CMTR1: variants seen among roughly 807,000 people sequenced by gnomAD.
CMTR1 encodes cap methyltransferase 1, also known as cap-specific mRNA (nucleoside-2'-O-)-methyltransferase 1.
Under a neutral mutation model 107.0 loss-of-function variants are expected in CMTR1, and 39 were observed. The ratio of observed to expected loss-of-function variants is 0.36; its 90% CI spans 0.28 to 0.48. The LOEUF (loss-of-function observed/expected upper bound fraction) is 0.48, where lower values mean the gene tolerates loss of function less well. Among genes scored for constraint, CMTR1 ranks in the 20% least tolerant of loss-of-function variants. The probability of loss-of-function intolerance (pLI) is 0.99; values close to 1 mark genes in which losing one functional copy is unlikely to be tolerated. For synonymous variants in CMTR1, 366 were observed against 379.5 expected (o/e 0.96, Z 0.41); for missense variants, 672 against 1,064.9 (o/e 0.63, Z 5.14).
At chr6:37,443,130 A>T (rs1185339511) in intron 2 of CMTR1, among the ~76,000 whole-genome samples, 1 of 152,238 alleles carries the variant, frequency 6.6e-6, no homozygotes, top group Non-Finnish European at 1.5e-5. Flanking sequence ...TCCAAATGCT[A>T]ACCCCTGAAT....
At chr6:37,462,354 A>G (rs1055299159) in intron 12 of CMTR1, among the ~76,000 whole-genome samples, 13 of 152,158 alleles carry the variant, frequency 8.5e-5, no homozygotes, top group Admixed American at 8.5e-4. Context: ...CCAAGGAGAA[A>G]GTGACCAATA....
chr6:37,443,358 C>CTT (rs67268523), intron 2 of CMTR1, among the ~76,000 whole-genome samples: 12 of 145,110 alleles, frequency 8.3e-5, no homozygotes, highest in African/African-American at 2.3e-4. Flanking sequence ...AATGTACTTT[C>CTT]TTTTTTTTTT....
chr6:37,433,141 TGCCTTTCCCGGGGCCGGGA>T (rs1467712607), upstream of CMTR1: 1 of 152,540 alleles, frequency 6.6e-6, no homozygotes. Flanking sequence ...AAACCTCAGC[TGCCTTTCCCGGGGCCGGGA>T]CCCGGCCGGG....
At chr6:37,435,503 A>G in intron 1 of CMTR1, 121 bp from the exon 2 acceptor site, 2 of 1,033,136 alleles carry the variant, frequency 1.9e-6, no homozygotes, top group Non-Finnish European at 1.4e-6. Context: ...AAGTGCTGGC[A>G]CTGGAAGATG....
chr6:37,425,884 T>A, the CMTR1 span, among the ~76,000 whole-genome samples: 1 of 152,244 alleles, frequency 6.6e-6, no homozygotes, highest in Non-Finnish European at 1.5e-5. Flanking sequence ...TCAAATATTC[T>A]CTCTGCCCCT....
At chr6:37,428,069 T>TA in the CMTR1 span, among the ~76,000 whole-genome samples, 1 of 130,032 alleles carries the variant, frequency 7.7e-6, no homozygotes, top group African/African-American at 2.8e-5. Flanking sequence ...AGAAACTCTC[T>TA]AAAAAAGACG....
chr6:37,431,533 G>A (rs1274034197), upstream of CMTR1, among the ~76,000 whole-genome samples: 1 of 151,814 alleles, frequency 6.6e-6, no homozygotes, highest in Non-Finnish European at 1.5e-5. Flanking sequence ...ATTTAATACA[G>A]ACAGACAATC....
intron 18 of CMTR1, 150 bp downstream of exon 18, chr6:37,474,796 C>G (rs1235728570): frequency 2.5e-6 from 3 of 1,218,794 alleles, no homozygotes; most frequent in Non-Finnish European, 3.4e-6. Context: ...TGACTCCTCC[C>G]CGAGCAGTTG....
intron 4 of CMTR1, among the ~76,000 whole-genome samples, chr6:37,448,210 C>CAAA (rs11397206): frequency 0.012 from 1,072 of 90,586 alleles, 34 homozygotes; most frequent in East Asian, 0.046. Flanking sequence ...GATTCCGTCT[C>CAAA]AAAAAAAAAA....
rs1260762165 is a variant in CMTR1 at position 37,478,491 on chromosome 6, A to G, written c.2236A>G (p.Met746Val). 1.9e-6 allele frequency: 3 copies of G among 1,614,032 alleles called. No homozygotes were observed. The highest frequency in any genetic ancestry group is 1.7e-6 in the Non-Finnish European group (2 of 1,179,936). The change falls in exon 22 of 24, where the codon ATG becomes GTG. Residue 746 changes from methionine to valine, a missense_variant. Met to Val is a conservative substitution (Grantham distance 21). Coordinates refer to ENST00000373451, the MANE Select transcript of CMTR1 (RefSeq NM_015050.3). ...TGRDDRHFVP[M>V]GLYIVRTVNE... ...GCGTGATGACCGGCACTTTGTACCC[A>G]TGGGCCTCTACATCGTCAGGACAGT...
intron 13 of CMTR1, 151 bp from the exon 14 acceptor site, chr6:37,470,870 C>T (rs1204726282): frequency 5.5e-6 from 3 of 543,844 alleles, no homozygotes; most frequent in Non-Finnish European, 9.4e-6. Context: ...CATAACTGCA[C>T]TGTGGGGTAG....
intron 13 of CMTR1, among the ~76,000 whole-genome samples, chr6:37,468,854 G>A (rs1025508982): frequency 6.6e-6 from 1 of 151,968 alleles, no homozygotes; most frequent in African/African-American, 2.4e-5. Flanking sequence ...TTGCACTCTA[G>A]CCTAGGTGAG....
Position 37,478,705 on chromosome 6 carries a change from G to A in CMTR1, c.2266+184G>A, listed in dbSNP as rs563898847. ...TTCCCTGAGCCTCTTCTGTTCTTCC[G>A]TGGGCCCTGGGAGTTGGTTAGGCAA... is the stretch of plus-strand genomic sequence containing the variant. On this transcript the variant is annotated intron_variant, in intron 22 of 23. Coordinates refer to ENST00000373451, the MANE Select transcript of CMTR1 (RefSeq NM_015050.3). 2.0e-4 allele frequency among the ~76,000 whole-genome samples: 30 copies of A among 152,284 alleles called. No individual in the cohort carries two copies. The South Asian group carries it at 4.3e-3, about 22-fold the overall frequency.
At position 37,458,923 on chromosome 6, in the gene CMTR1, C is replaced by A; in HGVS notation, c.976+113C>A. 2.1e-6 allele frequency: 2 copies of A among 945,728 alleles called. No homozygotes were observed. Among genetic ancestry groups the A allele is most frequent in the Non-Finnish European group, 3.2e-6 (2 of 632,304 alleles). 58.6% of individuals were successfully genotyped at this position (945,728 alleles called of 1,614,324 possible). On this transcript the variant is annotated intron_variant, in intron 9 of 23. Transcript: ENST00000373451. The surrounding 1 kb of genome is among the most constrained non-coding windows in gnomAD (Gnocchi z 4.7). ...CATATTTTCTTTCCTAGGTCTCTTA[C>A]CCTGGGCTTCACAGTTCATGTCAGA...
At chr6:37,434,812 A>C (rs1038873285) in intron 1 of CMTR1, among the ~76,000 whole-genome samples, 1 of 152,062 alleles carries the variant, frequency 6.6e-6, no homozygotes, top group Non-Finnish European at 1.5e-5. Flanking sequence ...GGGTTTCACC[A>C]TGTTGGCCAG....
intron 14 of CMTR1, 57 bp downstream of exon 14, chr6:37,471,134 C>T (rs558433100): frequency 4.1e-6 from 6 of 1,463,104 alleles, no homozygotes; most frequent in Non-Finnish European, 5.6e-6. Context: ...CTTGCTTTTC[C>T]TCCCCACAAG....
chr6:37,459,929 A>G (rs904933694), intron 10 of CMTR1, among the ~76,000 whole-genome samples: 1 of 152,236 alleles, frequency 6.6e-6, no homozygotes, highest in Non-Finnish European at 1.5e-5. Flanking sequence ...GAGGCTGTCT[A>G]TACATGGTCA....
intron 13 of CMTR1, among the ~76,000 whole-genome samples, chr6:37,466,825 C>T (rs568025037): frequency 6.6e-6 from 1 of 152,168 alleles, no homozygotes; most frequent in Admixed American, 6.5e-5. Context: ...TTTTCTATTT[C>T]TGCACATACG....
At chr6:37,470,975 G>T in intron 13 of CMTR1, 46 bp from the exon 14 acceptor site, 1 of 1,526,582 alleles carries the variant, frequency 6.6e-7, no homozygotes. Flanking sequence ...TCAGTTACCT[G>T]TCTTTTTTGG....
Sources: gnomAD v4.1 joint callset for allele counts (sites outside exome capture counted in the v4.1 genomes callset) on GRCh38, gnomAD v4.1.1 for gene constraint, Gnocchi (gnomAD v3.1) non-coding constraint, MANE v1.5 for transcripts, NCBI Gene and HGNC (gene_info 2026-07-23, HGNC 2026-07-21) for gene names.